The following SLC10A2 variants were observed in gnomAD, a reference collection of about 807,000 sequenced individuals.
The protein encoded by SLC10A2 is solute carrier family 10 member 2, also known as ileal sodium/bile acid cotransporter.
In SLC10A2, 34 loss-of-function variants were observed where a neutral mutation model predicts 27.1. The observed-to-expected ratio is 1.26, with a 90% CI of 0.96 to 1.67. The LOEUF (loss-of-function observed/expected upper bound fraction) is 1.67, where lower values mean the gene tolerates loss of function less well. Among genes scored for constraint, SLC10A2 ranks in the 40% most tolerant of loss-of-function variants. SLC10A2 has a pLI of 0.00. For missense variants in SLC10A2, 530 were observed against 444.4 expected (o/e 1.19, Z -1.73); for synonymous variants, 205 against 174.0 (o/e 1.18, Z -1.40).
intron 1 of SLC10A2, among the ~76,000 whole-genome samples, chr13:103,063,823 A>C (rs1371573885): frequency 2.6e-5 from 4 of 152,224 alleles, no homozygotes; most frequent in Admixed American, 6.5e-5. Context: ...AATAAGTGCT[A>C]CAGAAACCAG....
At position 103,049,314 on chromosome 13, in the gene SLC10A2, G is replaced by A. The variant is rs201839548; in HGVS notation, c.894C>T (p.Leu298=). 26 of 1,613,748 alleles carry A rather than the reference G, an allele frequency of 1.6e-5. No individual in the cohort carries two copies. In the South Asian group the frequency reaches 1.8e-4, roughly 11 times the overall value. ...TFPLIYSIFQ[L]AFAAIFLGFY... ...ATCCTAAGAATATTGCGGCAAAGGC[G>A]AGCTGGAAAATGCTGTAGATGAGCG... Residue 298 remains leucine (L), a synonymous_variant, in exon 5 of 6, where the codon CTC becomes CTT. Transcript: ENST00000245312.
chr13:103,051,534 G>A, intron 3 of SLC10A2, 102 bp from the exon 4 acceptor site: 1 of 1,274,214 alleles, frequency 7.8e-7, no homozygotes, highest in Non-Finnish European at 1.1e-6. Context: ...GTCCCTGGGG[G>A]AAGTGATGAT....
chr13:103,061,870 G>A (rs1283741241), intron 1 of SLC10A2, among the ~76,000 whole-genome samples: 1 of 151,890 alleles, frequency 6.6e-6, no homozygotes, highest in Non-Finnish European at 1.5e-5. Flanking sequence ...TAATATAGAA[G>A]CCTAAATTAG....
rs1414214287 is a variant in SLC10A2, at chr13:103,049,330, T to C, written c.878A>G (p.Tyr293Cys). The change falls in exon 5 of 6, where the codon TAC becomes TGC. Residue 293 changes from tyrosine to cysteine, a missense_variant. Tyr to Cys is a radical substitution (Grantham distance 194, BLOSUM62 -2). Transcript: ENST00000245312. ...GGCAAAGGCGAGCTGGAAAATGCTG[T>C]AGATGAGCGGGAAGGTGAATACGAC... ...LNVVFTFPLI[Y>C]SIFQLAFAAI... is the part of the protein sequence containing the mutation. The C allele has an allele frequency of 6.2e-7, 1 of 1,613,962 alleles. No individual in the cohort carries two copies. The highest frequency in any genetic ancestry group is 8.5e-7 in the Non-Finnish European group (1 of 1,179,912).
At chr13:103,052,599 G>A in intron 3 of SLC10A2, 21 bp downstream of exon 3, 2 of 1,457,668 alleles carry the variant, frequency 1.4e-6, no homozygotes, top group Non-Finnish European at 1.9e-6. Flanking sequence ...AATATTTAAT[G>A]GTGTGAACTG....
chr13:103,052,582 A>G (rs746646813), intron 3 of SLC10A2, 38 bp downstream of exon 3: 9 of 1,339,568 alleles, frequency 6.7e-6, no homozygotes, highest in Non-Finnish European at 9.7e-6. Context: ...TTTGATTGTC[A>G]CAGTGGAATA....
At chr13:103,065,058 C>T (rs973436083) in intron 1 of SLC10A2, among the ~76,000 whole-genome samples, 3 of 152,166 alleles carry the variant, frequency 2.0e-5, no homozygotes, top group African/African-American at 4.8e-5. Flanking sequence ...AAATGCATAC[C>T]TTTCAAGGGA....
At chr13:103,060,241 A>C (rs74892674) in intron 1 of SLC10A2, among the ~76,000 whole-genome samples, 9,288 of 152,178 alleles carry the variant, frequency 0.061, 451 homozygotes, top group African/African-American at 0.13. Context: ...GGTGCCACTT[A>C]GTGTGTTAAT....
intron 5 of SLC10A2, among the ~76,000 whole-genome samples, chr13:103,047,653 A>C (rs1029515082): frequency 6.6e-6 from 1 of 151,350 alleles, no homozygotes; most frequent in Non-Finnish European, 1.5e-5. Flanking sequence ...CAGGTATTGT[A>C]TACACTTAAC....
chr13:103,065,894 A>G lies in SLC10A2; in HGVS notation c.356T>C (p.Val119Ala). 6.2e-7 allele frequency: 1 copy of G among 1,614,098 alleles called. No individual in the cohort carries two copies. Among genetic ancestry groups the G allele is most frequent in the East Asian group, 2.2e-5 (1 of 44,870 alleles). ...TTACCTCAGGTCCATGTCGCCATCG[A>G]CCCAATAGGCCAAGATATTGGAGGC... ...GTASNILAYW[V>A]DGDMDLSVSM... Residue 119 changes from valine (V) to alanine (A), a missense_variant, in exon 1 of 6, where the codon GTC (valine) becomes GCC (alanine). Coordinates refer to ENST00000245312, the MANE Select transcript of SLC10A2 (RefSeq NM_000452.3).
At chr13:103,055,670 CTTG>C (rs1418319455) in intron 2 of SLC10A2, among the ~76,000 whole-genome samples, 1 of 152,120 alleles carries the variant, frequency 6.6e-6, no homozygotes. Flanking sequence ...CAAAGTGTCC[CTTG>C]TTGTTAAAGG....
At position 103,044,517 on chromosome 13, in the gene SLC10A2, A is replaced by G. The variant is rs192716907; in HGVS notation, c.*1616T>C. The G allele has an allele frequency of 2.6e-5, 4 of 152,298 alleles. No homozygotes were observed. Among genetic ancestry groups the G allele is most frequent in the Non-Finnish European group, 5.9e-5 (4 of 68,032 alleles). 9.4% of individuals were successfully genotyped at this position (152,298 alleles called of 1,614,324 possible). ...TAGTCCATTTTGTATTTGTCTAATG[A>G]TGGAAAAATATGAAGTACTTATTCA... On this transcript the variant is annotated 3_prime_UTR_variant, in exon 6 of 6. Coordinates refer to ENST00000245312, the MANE Select transcript of SLC10A2 (RefSeq NM_000452.3).
rs1260367315 is a variant in SLC10A2 at position 103,045,341 on chromosome 13, C to T, written c.*792G>A. 3 of 152,240 alleles carry T rather than the reference C, an allele frequency of 2.0e-5. No individual in the cohort carries two copies. The highest frequency in any genetic ancestry group is 7.2e-5 in the African/African-American group (3 of 41,432). The allele number at this position is 152,240 out of a possible 1,614,324, so 9.4% of individuals were successfully genotyped here. On this transcript the variant is annotated 3_prime_UTR_variant, in exon 6 of 6. Coordinates refer to ENST00000245312, the MANE Select transcript of SLC10A2 (RefSeq NM_000452.3). Reference sequence around the variant, plus strand: ...ACAGGAAAACCTTGAGGAAGTCCCTCTCCCAGATTTGAAGAGCTCTTTGCC... The same window carrying T: ...ACAGGAAAACCTTGAGGAAGTCCCTTTCCCAGATTTGAAGAGCTCTTTGCC...
At chr13:103,060,149 A>G (rs157266) in intron 1 of SLC10A2, among the ~76,000 whole-genome samples, 133,833 of 152,128 alleles carry the variant, frequency 0.88, 58,915 homozygotes, top group African/African-American at 0.9. Flanking sequence ...GGTCCTCTTC[A>G]AAGGGATCTG....
chr13:103,052,685 C>T lies in SLC10A2; in HGVS notation c.520G>A (p.Val174Ile). 1 of 1,606,890 alleles carries T rather than the reference C, an allele frequency of 6.2e-7. No homozygotes were observed. Among genetic ancestry groups the T allele is most frequent in the Non-Finnish European group, 8.5e-7 (1 of 1,173,568 alleles). The change falls in exon 3 of 6, where the codon GTT becomes ATT. Residue 174 changes from valine (V) to isoleucine (I), a missense_variant. Physicochemically the swap from Val to Ile is conservative, Grantham distance 29 (BLOSUM62 3). Coordinates refer to ENST00000245312, the MANE Select transcript of SLC10A2 (RefSeq NM_000452.3). ...NIGTSLVSLV[V>I]PVSIGMFVNH... ...ACAAACATTCCAATGGAAACAGGAA[C>T]AACGAGAGAAACCAGAGATGTACCT...
intron 3 of SLC10A2, 65 bp from the exon 4 acceptor site, chr13:103,051,497 C>T (rs1875781869): frequency 1.3e-6 from 2 of 1,561,228 alleles, no homozygotes; most frequent in Non-Finnish European, 1.8e-6. Flanking sequence ...GTATGTTTGT[C>T]AGAGACAAAA....
At chr13:103,050,096 C>T (rs1306686997) in intron 4 of SLC10A2, among the ~76,000 whole-genome samples, 1 of 152,164 alleles carries the variant, frequency 6.6e-6, no homozygotes, top group African/African-American at 2.4e-5. Context: ...CTTCAGTGAG[C>T]TATGATTGTG....
At chr13:103,052,570 G>T (rs201694445) in intron 3 of SLC10A2, 50 bp downstream of exon 3, 1 of 1,286,852 alleles carries the variant, frequency 7.8e-7, no homozygotes, top group Non-Finnish European at 1.1e-6. Flanking sequence ...AAACCCTATG[G>T]TTTTGATTGT....
chr13:103,059,638 C>A (rs565567511), intron 1 of SLC10A2, among the ~76,000 whole-genome samples: 16 of 152,148 alleles, frequency 1.1e-4, no homozygotes, highest in East Asian at 1.9e-4. Flanking sequence ...TTAAAGTCAT[C>A]ATTAAATAAT....
Sources: allele counts gnomAD v4.1 joint callset (sites outside exome capture counted in the v4.1 genomes callset), GRCh38; gene constraint gnomAD v4.1.1; transcripts MANE v1.5; gene names NCBI Gene and HGNC (gene_info 2026-07-23, HGNC 2026-07-21).